The following TMEM117 variants were observed in gnomAD, a reference collection of about 807,000 sequenced individuals.
TMEM117 encodes the protein transmembrane protein 117.
In TMEM117, 27 loss-of-function variants were observed where a neutral mutation model predicts 52.4. The ratio of observed to expected loss-of-function variants is 0.51; its 90% confidence interval spans 0.38 to 0.71. The LOEUF (loss-of-function observed/expected upper bound fraction) is 0.71. TMEM117 is among the 30% of genes least tolerant of loss of function. TMEM117 has a pLI of 0.00. For synonymous variants in TMEM117, 215 were observed against 206.3 expected (o/e 1.04, Z -0.36); for missense variants, 556 against 630.5 (o/e 0.88, Z 1.26).
chr12:43,997,628 T>A (rs1487470682), intron 3 of TMEM117, among the ~76,000 whole-genome samples: 1 of 152,216 alleles, frequency 6.6e-6, no homozygotes, highest in Non-Finnish European at 1.5e-5. Context: ...TAATTTCTTA[T>A]TTTCATTATC....
chr12:43,864,905 T>C (rs546796611), intron 2 of TMEM117, among the ~76,000 whole-genome samples: 305 of 152,042 alleles, frequency 2.0e-3, no homozygotes, highest in African/African-American at 6.5e-3. Context: ...ACCACAAAGG[T>C]CTGCAGCTTC....
chr12:43,846,213 T>C (rs1943205318), intron 2 of TMEM117, among the ~76,000 whole-genome samples: 1 of 152,148 alleles, frequency 6.6e-6, no homozygotes, highest in Non-Finnish European at 1.5e-5. Flanking sequence ...ACTAAATTAG[T>C]TTAAGTTAAA....
chr12:43,875,528 G>C (rs557582433), intron 2 of TMEM117, among the ~76,000 whole-genome samples: 3 of 152,286 alleles, frequency 2.0e-5, no homozygotes, highest in Admixed American at 1.3e-4. Context: ...TTTCTCATTT[G>C]TAATCTAAAA....
intron 3 of TMEM117, among the ~76,000 whole-genome samples, chr12:43,972,901 AT>A (rs1565776179): frequency 2.6e-5 from 4 of 152,194 alleles, no homozygotes; most frequent in Admixed American, 2.6e-4. Context: ...TCATTTGCAT[AT>A]CTTTCAGGTG....
At chr12:43,865,829 C>A (rs1400652244) in intron 2 of TMEM117, among the ~76,000 whole-genome samples, 1 of 151,566 alleles carries the variant, frequency 6.6e-6, no homozygotes, top group African/African-American at 2.4e-5. Flanking sequence ...CCAAATCAGG[C>A]CTTCACCAAT....
intron 3 of TMEM117, among the ~76,000 whole-genome samples, chr12:43,979,756 T>G (rs1165016926): frequency 3.3e-5 from 5 of 152,124 alleles, no homozygotes; most frequent in African/African-American, 7.2e-5. Context: ...TGTTTGATAT[T>G]CTATATGGCT....
chr12:44,261,063 T>C (rs535284428), intron 5 of TMEM117, among the ~76,000 whole-genome samples: 1 of 152,340 alleles, frequency 6.6e-6, no homozygotes, highest in African/African-American at 2.4e-5. Context: ...TTTAAAATTG[T>C]GAGTATATAC....
At chr12:44,176,664 CAATT>C (rs1331809327) in intron 4 of TMEM117, among the ~76,000 whole-genome samples, 6 of 152,128 alleles carry the variant, frequency 3.9e-5, no homozygotes, top group Admixed American at 6.5e-5. Flanking sequence ...TTTCAGCTCT[CAATT>C]AAGCTCTGGT....
intron 5 of TMEM117, among the ~76,000 whole-genome samples, chr12:44,253,977 A>G (rs1392086150): frequency 6.7e-6 from 1 of 150,148 alleles, no homozygotes; most frequent in East Asian, 1.9e-4. Context: ...GTGAAGTTTG[A>G]TCATCATTTT....
At chr12:43,812,084 A>G in the TMEM117 span, among the ~76,000 whole-genome samples, 9,970 of 152,308 alleles carry the variant, frequency 0.065, 408 homozygotes, top group Middle Eastern at 0.099. Context: ...CATCTGCAAA[A>G]AAAAAAAGTT....
At chr12:43,879,213 G>A (rs983824034) in intron 2 of TMEM117, among the ~76,000 whole-genome samples, 1 of 152,200 alleles carries the variant, frequency 6.6e-6, no homozygotes, top group African/African-American at 2.4e-5. Flanking sequence ...TCATAAATAA[G>A]TGATAATAAG....
intron 5 of TMEM117, among the ~76,000 whole-genome samples, chr12:44,231,887 C>T (rs1357475264): frequency 1.3e-5 from 2 of 151,724 alleles, no homozygotes; most frequent in South Asian, 2.1e-4. Flanking sequence ...TTTTACTCTT[C>T]TTATGGGTTA....
chr12:44,115,491 C>G (rs1033882928), intron 3 of TMEM117, among the ~76,000 whole-genome samples: 1 of 152,142 alleles, frequency 6.6e-6, no homozygotes, highest in Non-Finnish European at 1.5e-5. Flanking sequence ...CTGATCAACT[C>G]TGACTTTCTT....
chr12:43,827,741 A>G, the TMEM117 span, among the ~76,000 whole-genome samples: 2 of 152,154 alleles, frequency 1.3e-5, no homozygotes, highest in Non-Finnish European at 2.9e-5. Context: ...CCTGCCCCCC[A>G]CCCAAAATTC....
intron 2 of TMEM117, among the ~76,000 whole-genome samples, chr12:43,940,260 C>T (rs1945022552): frequency 6.6e-6 from 1 of 152,188 alleles, no homozygotes; most frequent in Non-Finnish European, 1.5e-5. Context: ...GGGCTCCCCA[C>T]ATCTCCTACC....
At chr12:44,352,473 G>A (rs1000460044) in intron 6 of TMEM117, among the ~76,000 whole-genome samples, 2 of 151,990 alleles carry the variant, frequency 1.3e-5, no homozygotes, top group Non-Finnish European at 1.5e-5. Flanking sequence ...AGTCCCCGGA[G>A]TGTGATGTTC....
intron 5 of TMEM117, among the ~76,000 whole-genome samples, chr12:44,283,341 C>A (rs1565671569): frequency 1.3e-5 from 2 of 152,114 alleles, no homozygotes; most frequent in Non-Finnish European, 2.9e-5. Context: ...ACACTGAACG[C>A]CAGCCCATGA....
chr12:44,162,251 A>C (rs1290844268), intron 4 of TMEM117, among the ~76,000 whole-genome samples: 1 of 152,158 alleles, frequency 6.6e-6, no homozygotes, highest in Non-Finnish European at 1.5e-5. Context: ...CTTCTACAAC[A>C]GTTGACATAG....
At chr12:44,361,411 C>T (rs11182477) in intron 6 of TMEM117, among the ~76,000 whole-genome samples, 14,222 of 152,150 alleles carry the variant, frequency 0.093, 1,700 homozygotes, top group African/African-American at 0.28. Flanking sequence ...GACTCTATTA[C>T]TAATACAATG....
Sources: allele counts gnomAD v4.1 joint callset (sites outside exome capture counted in the v4.1 genomes callset), GRCh38; gene constraint gnomAD v4.1.1; transcripts MANE v1.5; gene names NCBI Gene and HGNC (gene_info 2026-07-23, HGNC 2026-07-21).